Variants in GALNTL6 observed in about 807,000 individuals in gnomAD.
The protein encoded by GALNTL6 is polypeptide N-acetylgalactosaminyltransferase like 6, also known as polypeptide N-acetylgalactosaminyltransferase-like 6.
Under a neutral mutation model 73.7 loss-of-function variants are expected in GALNTL6, and 46 were observed. The observed-to-expected ratio is 0.62, with a 90% confidence interval of 0.49 to 0.80. GALNTL6 has a LOEUF of 0.80. Ranked by LOEUF, GALNTL6 falls within the 30% of genes least tolerant of loss-of-function variation. The probability of loss-of-function intolerance (pLI) is 0.00; values close to 1 mark genes in which losing one functional copy is unlikely to be tolerated. For synonymous variants in GALNTL6, 259 were observed against 263.7 expected, an observed-to-expected ratio of 0.98 and a Z score of 0.17; for missense variants, 604 against 755.0, an observed-to-expected ratio of 0.80 and a Z score of 2.34.
intron 2 of GALNTL6, among the ~76,000 whole-genome samples, chr4:171,867,669 T>C (rs889430193): frequency 5.3e-5 from 8 of 152,356 alleles, no homozygotes; most frequent in Admixed American, 2.0e-4. Flanking sequence ...AATGTCATCA[T>C]GTCACTTCCC....
chr4:172,488,044 T>C lies in GALNTL6; in HGVS notation c.553+139355T>C, dbSNP rs1733761929. 3.3e-5 allele frequency among the ~76,000 whole-genome samples: 5 copies of C among 152,334 alleles called. No individual in the cohort carries two copies. The South Asian group carries it at 1.0e-3, about 32-fold the overall frequency. ...AATGGTGCATACTATTATTGTACTC[T>C]CAAGTTGTCATGAAAATTCACATTT... On this transcript the variant is annotated intron_variant, in intron 5 of 12. Transcript: ENST00000506823.
intron 5 of GALNTL6, among the ~76,000 whole-genome samples, chr4:172,353,310 G>A (rs1578985831): frequency 6.6e-6 from 1 of 152,024 alleles, no homozygotes; most frequent in Non-Finnish European, 1.5e-5. Flanking sequence ...TGTCCCAAAA[G>A]TTGAAGCTTC....
chr4:172,030,546 C>A (rs1741735020), intron 2 of GALNTL6, among the ~76,000 whole-genome samples: 1 of 151,718 alleles, frequency 6.6e-6, no homozygotes, highest in Admixed American at 6.6e-5. Flanking sequence ...CCCGTCTCTA[C>A]CAAAAATACA....
intron 12 of GALNTL6, among the ~76,000 whole-genome samples, chr4:173,035,092 ATTTCT>A (rs10571967): frequency 0.027 from 3,841 of 141,976 alleles, 158 homozygotes; most frequent in African/African-American, 0.11. Context: ...TACTACAAAC[ATTTCT>A]TTTTTTTTTT....
At chr4:172,779,273 G>A (rs1466359465) in intron 5 of GALNTL6, among the ~76,000 whole-genome samples, 1 of 152,096 alleles carries the variant, frequency 6.6e-6, no homozygotes, top group East Asian at 1.9e-4. Flanking sequence ...GTGGCAATTG[G>A]TATACAGTGA....
At chr4:172,826,683 C>T (rs1742285790) in intron 7 of GALNTL6, among the ~76,000 whole-genome samples, 1 of 152,180 alleles carries the variant, frequency 6.6e-6, no homozygotes, top group Admixed American at 6.5e-5. Context: ...ACTACCCATC[C>T]CGTAGGGAGA....
At chr4:172,352,202 A>G (rs1475586316) in intron 5 of GALNTL6, among the ~76,000 whole-genome samples, 1 of 152,206 alleles carries the variant, frequency 6.6e-6, no homozygotes, top group Non-Finnish European at 1.5e-5. Flanking sequence ...ATCTGCTTAA[A>G]TAAGATTGAC....
intron 5 of GALNTL6, among the ~76,000 whole-genome samples, chr4:172,672,434 T>C (rs1732041739): frequency 6.6e-6 from 1 of 152,252 alleles, no homozygotes; most frequent in African/African-American, 2.4e-5. Context: ...TTGAGGATTT[T>C]TGCATTGATG....
At chr4:172,750,813 G>T (rs1737379605) in intron 5 of GALNTL6, among the ~76,000 whole-genome samples, 1 of 151,850 alleles carries the variant, frequency 6.6e-6, no homozygotes, top group South Asian at 2.1e-4. Context: ...TTTTCATTAT[G>T]TTCCAAAATT....
chr4:172,784,162 C>T (rs1739524788), intron 5 of GALNTL6, among the ~76,000 whole-genome samples: 1 of 151,888 alleles, frequency 6.6e-6, no homozygotes, highest in Non-Finnish European at 1.5e-5. Context: ...TCCATAATTC[C>T]TATAGTTGTA....
chr4:172,275,956 C>T (rs1211246370), intron 3 of GALNTL6, among the ~76,000 whole-genome samples: 12 of 152,076 alleles, frequency 7.9e-5, no homozygotes, highest in Non-Finnish European at 1.5e-5. Flanking sequence ...GACTCTGTCC[C>T]CCACCAAAAA....
At chr4:172,089,066 C>A (rs1293134217) in intron 2 of GALNTL6, among the ~76,000 whole-genome samples, 3 of 152,136 alleles carry the variant, frequency 2.0e-5, no homozygotes, top group Non-Finnish European at 1.5e-5. Context: ...CATCTAAGCA[C>A]TTTTCTCCAC....
chr4:172,945,805 C>T (rs1226940932), intron 9 of GALNTL6, among the ~76,000 whole-genome samples: 5 of 152,158 alleles, frequency 3.3e-5, no homozygotes, highest in African/African-American at 9.7e-5. Flanking sequence ...CAAAGAAGTG[C>T]TCAGATCAGA....
intron 5 of GALNTL6, among the ~76,000 whole-genome samples, chr4:172,397,633 A>G (rs1320444997): frequency 6.6e-6 from 1 of 151,726 alleles, no homozygotes; most frequent in African/African-American, 2.4e-5. Context: ...GCTGGAGTGC[A>G]GTGGTGCGGT....
intron 2 of GALNTL6, among the ~76,000 whole-genome samples, chr4:172,123,571 G>C (rs1218287983): frequency 3.8e-5 from 5 of 131,992 alleles, no homozygotes; most frequent in Admixed American, 9.3e-5. Context: ...GCACAATCTC[G>C]GCTCACTGCA....
intron 5 of GALNTL6, among the ~76,000 whole-genome samples, chr4:172,499,465 T>A (rs1264259667): frequency 6.6e-6 from 1 of 152,224 alleles, no homozygotes; most frequent in African/African-American, 2.4e-5. Context: ...TTACTTAAGC[T>A]ACACAGTCTA....
At chr4:172,220,692 T>C (rs1736643201) in intron 2 of GALNTL6, among the ~76,000 whole-genome samples, 1 of 151,886 alleles carries the variant, frequency 6.6e-6, no homozygotes, top group Non-Finnish European at 1.5e-5. Context: ...AAAACATGTT[T>C]GTTTTGAGTC....
intron 5 of GALNTL6, among the ~76,000 whole-genome samples, chr4:172,524,152 G>A (rs1182320924): frequency 1.3e-5 from 2 of 151,972 alleles, no homozygotes; most frequent in African/African-American, 2.4e-5. Flanking sequence ...TCTATTCTGT[G>A]GACACTTTTG....
At chr4:172,629,566 T>C (rs1330488003) in intron 5 of GALNTL6, among the ~76,000 whole-genome samples, 1 of 152,224 alleles carries the variant, frequency 6.6e-6, no homozygotes, top group Non-Finnish European at 1.5e-5. Flanking sequence ...CATTTTTATC[T>C]ATGATAAAAA....
Sources: allele counts gnomAD v4.1 joint callset (sites outside exome capture counted in the v4.1 genomes callset), GRCh38; gene constraint gnomAD v4.1.1; transcripts MANE v1.5; gene names NCBI Gene and HGNC (gene_info 2026-07-23, HGNC 2026-07-21).